Variants in CDH20 observed in about 807,000 individuals in gnomAD.
CDH20 encodes cadherin 20.
CDH20 carries 29 observed loss-of-function variants against 74.2 expected under a neutral mutation model. That is an observed-to-expected ratio of 0.39 (90% confidence interval 0.29 to 0.53). The LOEUF is 0.53. CDH20 is among the 20% of genes least tolerant of loss of function. The pLI is 0.69. For missense variants in CDH20, 988 were observed against 1,048.3 expected (o/e 0.94, Z 0.79); for synonymous variants, 469 against 405.4 (o/e 1.16, Z -1.88).
At position 61,554,493 on chromosome 18, in the gene CDH20, T is replaced by A. The variant is rs773156757; in HGVS notation, c.2204T>A (p.Met735Lys). ...YVLAKLYEAD[M>K]DLWAPPFDSL... ...CTGGCCAAGCTCTACGAGGCCGACA[T>A]GGACCTGTGGGCACCGCCCTTCGAC... is the stretch of plus-strand genomic sequence containing the variant. The change falls in exon 12 of 12, where the codon ATG (methionine) becomes AAG (lysine). Residue 735 changes from methionine to lysine, a missense_variant. Around this residue, in one of 2 missense-constraint regions of CDH20, gnomAD observed 375 missense variants for 293.1 expected, o/e 1.28. Coordinates refer to ENST00000262717, the MANE Select transcript of CDH20 (RefSeq NM_031891.4). 6.2e-7 allele frequency: 1 copy of A among 1,612,998 alleles called. No homozygotes were observed. The highest frequency in any genetic ancestry group is 1.7e-5 in the Admixed American group (1 of 59,968).
chr18:61,427,576 A>G (rs36106314), intron 1 of CDH20, among the ~76,000 whole-genome samples: 20,919 of 152,244 alleles, frequency 0.14, 1,899 homozygotes, highest in Non-Finnish European at 0.2. Context: ...TCCTTCATAA[A>G]GCAAGATGAC....
intron 1 of CDH20, among the ~76,000 whole-genome samples, chr18:61,421,240 A>G (rs975285874): frequency 1.3e-5 from 2 of 152,222 alleles, no homozygotes; most frequent in African/African-American, 4.8e-5. Flanking sequence ...TAAATGAAGC[A>G]GAGAAGTAAA....
At chr18:61,440,938 G>A (rs936452058) in intron 1 of CDH20, among the ~76,000 whole-genome samples, 2 of 152,170 alleles carry the variant, frequency 1.3e-5, no homozygotes, top group Non-Finnish European at 2.9e-5. Context: ...CAGTCACATT[G>A]CAGAGTATGT....
chr18:61,529,076 A>G (rs1170311354), intron 7 of CDH20, among the ~76,000 whole-genome samples: 1 of 152,194 alleles, frequency 6.6e-6, no homozygotes, highest in African/African-American at 2.4e-5. Context: ...TCTCTCACCA[A>G]CTGGAACCAA....
chr18:61,536,802 G>A (rs9945667), intron 8 of CDH20, among the ~76,000 whole-genome samples, 173 bp downstream of exon 8: 140 of 152,202 alleles, frequency 9.2e-4, no homozygotes, highest in African/African-American at 3.1e-3. Context: ...TTTGAGGCTC[G>A]CTTGTATACT....
Position 61,555,455 on chromosome 18 carries a change from A to G in CDH20, c.*760A>G. ...AATTGTTCAGAATGAAACCAGAAAA[A>G]TCTGCCTCTTTTGCACTGTAGATGT... On this transcript the variant is annotated 3_prime_UTR_variant, in exon 12 of 12. Coordinates refer to ENST00000262717, the MANE Select transcript of CDH20 (RefSeq NM_031891.4). 1 of 985,442 alleles carries G rather than the reference A, an allele frequency of 1.0e-6. No individual in the cohort carries two copies. Among genetic ancestry groups the G allele is most frequent in the Middle Eastern group, 5.2e-4 (1 of 1,914 alleles). The allele number at this position is 985,442 out of a possible 1,614,324, so 61.0% of individuals were successfully genotyped here. A position where few individuals can be genotyped will look rare whatever the true frequency, so the allele number is the denominator to read the frequency against.
At position 61,533,203 on chromosome 18, in the gene CDH20, G is replaced by A. The variant is rs181076262; in HGVS notation, c.1272-3290G>A. Among the ~76,000 whole-genome samples, 357 of 152,270 alleles carry A rather than the reference G, an allele frequency of 2.3e-3. 1 individual carries two copies. Among genetic ancestry groups the A allele is most frequent in the African/African-American group, 8.4e-3 (348 of 41,542 alleles). On this transcript the variant is annotated intron_variant, in intron 7 of 11. Coordinates refer to ENST00000262717, the MANE Select transcript of CDH20 (RefSeq NM_031891.4). Reference sequence around the variant, plus strand: ...CCTGCCTCTAGTTCCAACTACTCAGGAGGCTGAGGCGGAAGGATCACTGGA... The same window carrying A: ...CCTGCCTCTAGTTCCAACTACTCAGAAGGCTGAGGCGGAAGGATCACTGGA...
Position 61,375,921 on chromosome 18 carries a change from TC to T in CDH20, c.-153+42095del, listed in dbSNP as rs1911211234. Among the ~76,000 whole-genome samples the T allele has an allele frequency of 2.0e-5, 3 of 152,150 alleles. No homozygotes were observed. The South Asian group carries it at 6.2e-4, about 32-fold the overall frequency. On this transcript the variant is annotated intron_variant, in intron 1 of 11. Coordinates refer to ENST00000262717, the MANE Select transcript of CDH20 (RefSeq NM_031891.4). ...TGCATTATCCTTCCACCACCATCTT[TC>T]TTTGTATAGACTTAATTATTTAAGT...
rs141002668 is a variant in CDH20, at chr18:61,337,499, G to A, written c.-153+3672G>A. ...CTTAAAAAGTAAATATTTCATTTTTGACATTTGTTTTCTATTATGAAACAA... is the reference window on the plus strand; with the variant it reads ...CTTAAAAAGTAAATATTTCATTTTTAACATTTGTTTTCTATTATGAAACAA... On this transcript the variant is annotated intron_variant, in intron 1 of 11. Coordinates refer to ENST00000262717, the MANE Select transcript of CDH20 (RefSeq NM_031891.4). Among the ~76,000 whole-genome samples, 813 of 151,968 alleles carry A rather than the reference G, an allele frequency of 5.3e-3. 8 individuals carry two copies. The highest frequency in any genetic ancestry group is 0.019 in the African/African-American group (783 of 41,450).
intron 1 of CDH20, among the ~76,000 whole-genome samples, chr18:61,423,503 G>A (rs527600721): frequency 1.5e-3 from 227 of 152,144 alleles, no homozygotes; most frequent in African/African-American, 5.3e-3. Flanking sequence ...CCTTTACCCT[G>A]ACTCCCCTGA....
At chr18:61,473,850 C>T (rs1910275222) in intron 1 of CDH20, among the ~76,000 whole-genome samples, 1 of 152,208 alleles carries the variant, frequency 6.6e-6, no homozygotes, top group Non-Finnish European at 1.5e-5. Flanking sequence ...TTAACTGATA[C>T]TTTATAGCCA....
At chr18:61,441,155 T>C (rs917776833) in intron 1 of CDH20, among the ~76,000 whole-genome samples, 1 of 152,174 alleles carries the variant, frequency 6.6e-6, no homozygotes, top group Admixed American at 6.5e-5. Context: ...CTCCCTATGA[T>C]ATAATAGCCC....
chr18:61,353,872 T>A lies in CDH20; in HGVS notation c.-153+20045T>A, dbSNP rs78256153. Among the ~76,000 whole-genome samples the A allele has an allele frequency of 0.045, 6,795 of 152,046 alleles. 483 individuals carry two copies. The highest frequency in any genetic ancestry group is 0.16 in the African/African-American group (6,458 of 41,448). On this transcript the variant is annotated intron_variant, in intron 1 of 11. Transcript: ENST00000262717. The surrounding 1 kb of genome is among the most constrained non-coding windows in gnomAD (Gnocchi z 4.6). The stretch of plus-strand genomic sequence containing the variant: ...CGGGGCGGTTGGATTGCCTGAACTC[T>A]GTAGTTCATAACCAGCCTGGGCAAC...
chr18:61,422,243 A>G (rs1403261055), intron 1 of CDH20, among the ~76,000 whole-genome samples: 1 of 152,198 alleles, frequency 6.6e-6, no homozygotes, highest in Non-Finnish European at 1.5e-5. Flanking sequence ...TTCTGAGCTT[A>G]TCGAATACAG....
At chr18:61,365,519 G>T (rs952993633) in intron 1 of CDH20, among the ~76,000 whole-genome samples, 2 of 152,076 alleles carry the variant, frequency 1.3e-5, no homozygotes, top group African/African-American at 2.4e-5. Context: ...AATAAAAAAG[G>T]TCCACTGAGT....
At chr18:61,427,531 CA>C (rs2144287817) in intron 1 of CDH20, among the ~76,000 whole-genome samples, 1 of 152,214 alleles carries the variant, frequency 6.6e-6, no homozygotes, top group African/African-American at 2.4e-5. Flanking sequence ...CTGAGACTAC[CA>C]AAAAGTCAGA....
intron 1 of CDH20, among the ~76,000 whole-genome samples, chr18:61,362,463 C>T (rs1440852376): frequency 2.0e-5 from 3 of 152,136 alleles, no homozygotes; most frequent in Non-Finnish European, 2.9e-5. Context: ...GCACCAAGGG[C>T]TCTCCTCAGA....
At chr18:61,420,946 G>A (rs1202749130) in intron 1 of CDH20, among the ~76,000 whole-genome samples, 2 of 152,164 alleles carry the variant, frequency 1.3e-5, no homozygotes, top group Non-Finnish European at 2.9e-5. Context: ...AGCTACTTGG[G>A]AGGCTGAGGC....
intron 1 of CDH20, among the ~76,000 whole-genome samples, chr18:61,410,330 T>C (rs1912454950): frequency 6.6e-6 from 1 of 152,224 alleles, no homozygotes; most frequent in Non-Finnish European, 1.5e-5. Context: ...ATAAAGCTTA[T>C]GACATACCAT....
Sources: allele counts gnomAD v4.1 joint callset (sites outside exome capture counted in the v4.1 genomes callset), GRCh38; gene constraint gnomAD v4.1.1; regional missense constraint gnomAD v4.1.1; non-coding constraint Gnocchi (gnomAD v3.1); transcripts MANE v1.5; gene names NCBI Gene and HGNC (gene_info 2026-07-23, HGNC 2026-07-21).